The following CATSPERB variants were observed in gnomAD, a reference collection of about 807,000 sequenced individuals.
CATSPERB encodes the protein cation channel sperm-associated auxiliary subunit beta.
Under a neutral mutation model 128.3 loss-of-function variants are expected in CATSPERB, and 93 were observed. That is an observed-to-expected ratio of 0.72 (90% CI 0.61 to 0.86). The LOEUF is 0.86. Among genes scored for constraint, CATSPERB ranks in the 40% least tolerant of loss-of-function variants. The pLI, the probability that CATSPERB is intolerant of heterozygous loss-of-function variation, is 0.00. For missense variants in CATSPERB, 1,153 were observed against 1,329.5 expected, an observed-to-expected ratio of 0.87 and a Z score of 2.06; for synonymous variants, 381 against 448.8, an observed-to-expected ratio of 0.85 and a Z score of 1.91.
chr14:91,639,470 GAAAC>G (rs942320639), intron 15 of CATSPERB, among the ~76,000 whole-genome samples: 163 of 152,242 alleles, frequency 1.1e-3, no homozygotes, highest in African/African-American at 3.7e-3. Flanking sequence ...AGTAGGGGAA[GAAAC>G]AAACAGAGGG....
chr14:91,649,001 TC>T (rs1182315838), intron 15 of CATSPERB, among the ~76,000 whole-genome samples: 4 of 150,846 alleles, frequency 2.7e-5, no homozygotes, highest in African/African-American at 9.9e-5. Flanking sequence ...TTTTTTTTTT[TC>T]CTGTGTAGCA....
chr14:91,695,609 C>T (rs1460280660), intron 7 of CATSPERB, among the ~76,000 whole-genome samples: 1 of 152,174 alleles, frequency 6.6e-6, no homozygotes, highest in African/African-American at 2.4e-5. Flanking sequence ...TATCCCAGGG[C>T]TTACAGAAGC....
chr14:91,621,898 G>A lies in CATSPERB; in HGVS notation c.1970C>T (p.Thr657Ile). 3 of 1,612,762 alleles carry A rather than the reference G, an allele frequency of 1.9e-6. No homozygotes were observed. Among genetic ancestry groups the A allele is most frequent in the Non-Finnish European group, 2.5e-6 (3 of 1,179,346 alleles). ...ALFEDTDIEK[T>I]VVLPGYSSFL... ...GCTGCTGTACCCGGGAAGCACTACA[G>A]TCTTCTCTATATCTGTATCTTCAAA... The change falls in exon 19 of 27, where the codon ACT becomes ATT. Residue 657 changes from threonine to isoleucine, a missense_variant. Thr to Ile is a moderately conservative substitution (Grantham distance 89). Transcript: ENST00000256343.
At chr14:91,600,584 AGACAC>A (rs1893592866) in intron 22 of CATSPERB, among the ~76,000 whole-genome samples, 1 of 152,262 alleles carries the variant, frequency 6.6e-6, no homozygotes, top group Admixed American at 6.5e-5. Flanking sequence ...GCAATTTTAA[AGACAC>A]TTCAACACAT....
At chr14:91,688,106 C>T (rs750826930) in intron 10 of CATSPERB, among the ~76,000 whole-genome samples, 1 of 152,092 alleles carries the variant, frequency 6.6e-6, no homozygotes, top group Non-Finnish European at 1.5e-5. Flanking sequence ...ATTGAAATGT[C>T]TGTTCTTTTT....
intron 10 of CATSPERB, among the ~76,000 whole-genome samples, chr14:91,689,659 T>C (rs1895433140): frequency 6.6e-6 from 1 of 152,182 alleles, no homozygotes; most frequent in Admixed American, 6.5e-5. Context: ...CTTTTACCTT[T>C]ATCTCTCCTC....
intron 22 of CATSPERB, among the ~76,000 whole-genome samples, chr14:91,600,479 G>A (rs1595140650): frequency 6.6e-6 from 1 of 152,216 alleles, no homozygotes; most frequent in East Asian, 1.9e-4. Context: ...AAAGAAAAGA[G>A]GTTTGGGTTT....
chr14:91,608,447 G>T, intron 21 of CATSPERB, 43 bp from the exon 22 acceptor site: 1 of 1,148,800 alleles, frequency 8.7e-7, no homozygotes, highest in Non-Finnish European at 1.3e-6. Flanking sequence ...TCATTATTAT[G>T]AAGTCTTTAA....
At chr14:91,670,520 A>G (rs528269530) in intron 13 of CATSPERB, among the ~76,000 whole-genome samples, 1 of 152,010 alleles carries the variant, frequency 6.6e-6, no homozygotes, top group African/African-American at 2.4e-5. Context: ...GCATTAAAAA[A>G]AAAAATTAAA....
At chr14:91,587,477 C>CTTTTTTATTTTTTTTTT (rs1893324352) in intron 25 of CATSPERB, among the ~76,000 whole-genome samples, 1 of 101,566 alleles carries the variant, frequency 9.8e-6, no homozygotes, top group Non-Finnish European at 2.0e-5. Context: ...ATAGCTGATA[C>CTTTTTTATTTTTTTTTT]TTTTTTTTTT....
chr14:91,672,514 GA>G (rs577611356), intron 13 of CATSPERB, among the ~76,000 whole-genome samples: 111 of 151,936 alleles, frequency 7.3e-4, no homozygotes, highest in African/African-American at 2.4e-3. Flanking sequence ...ACGTTTGGAA[GA>G]AAAAAATATA....
intron 15 of CATSPERB, among the ~76,000 whole-genome samples, chr14:91,641,831 C>T (rs1355080440): frequency 4.6e-5 from 1 of 21,762 alleles, no homozygotes. Context: ...TTGATTCTTC[C>T]TACCCATGAG....
At chr14:91,664,259 C>CTTTTTTTT (rs750623098) in intron 14 of CATSPERB, among the ~76,000 whole-genome samples, 5 of 115,716 alleles carry the variant, frequency 4.3e-5, no homozygotes, top group Non-Finnish European at 5.1e-5. Context: ...TCTTCCATGT[C>CTTTTTTTT]TTTTTTTTTT....
intron 17 of CATSPERB, among the ~76,000 whole-genome samples, chr14:91,628,533 C>A (rs1021302206): frequency 3.3e-5 from 5 of 152,116 alleles, no homozygotes; most frequent in Non-Finnish European, 7.4e-5. Flanking sequence ...GTGGTTGGAT[C>A]ATGGGGGCGG....
chr14:91,700,542 CT>C (rs1426056402), intron 7 of CATSPERB, among the ~76,000 whole-genome samples: 1 of 151,584 alleles, frequency 6.6e-6, no homozygotes, highest in Admixed American at 6.6e-5. Flanking sequence ...TGGTCCAGGG[CT>C]TTTTTTTGTT....
rs564071011 is a variant in CATSPERB at position 91,714,437 on chromosome 14, T to C, written c.370+4981A>G. ...AACCAATAAGTGAATTTAACAAGAT[T>C]GCAGGATACAAGATCAATAAACAGA... is the stretch of plus-strand genomic sequence containing the variant. On this transcript the variant is annotated intron_variant, in intron 5 of 26. Transcript: ENST00000256343. Among the ~76,000 whole-genome samples, 317 of 151,992 alleles carry C rather than the reference T, an allele frequency of 2.1e-3. 4 individuals carry two copies. Among genetic ancestry groups the C allele is most frequent in the African/African-American group, 7.3e-3 (303 of 41,470 alleles).
chr14:91,606,432 G>A (rs944697483), intron 22 of CATSPERB, among the ~76,000 whole-genome samples: 4 of 151,728 alleles, frequency 2.6e-5, no homozygotes, highest in South Asian at 2.1e-4. Flanking sequence ...GCGTGGTGGT[G>A]CACGCCTGTA....
At chr14:91,605,547 T>C (rs761496747) in intron 22 of CATSPERB, among the ~76,000 whole-genome samples, 2 of 152,184 alleles carry the variant, frequency 1.3e-5, no homozygotes, top group Non-Finnish European at 2.9e-5. Context: ...TTTGAAATCA[T>C]TTCCACGGCC....
intron 4 of CATSPERB, among the ~76,000 whole-genome samples, chr14:91,722,485 G>A (rs1896051921): frequency 6.6e-6 from 1 of 152,136 alleles, no homozygotes; most frequent in African/African-American, 2.4e-5. Context: ...GGTTGTCTAG[G>A]GCTGGGGAGT....
Sources: gnomAD v4.1 joint callset for allele counts (sites outside exome capture counted in the v4.1 genomes callset) on GRCh38, gnomAD v4.1.1 for gene constraint, MANE v1.5 for transcripts, NCBI Gene and HGNC (gene_info 2026-07-23, HGNC 2026-07-21) for gene names.